Variants in MEP1A observed in about 807,000 individuals in gnomAD.
The protein encoded by MEP1A is N-benzoyl-L-tyrosyl-P-amino-benzoic acid hydrolase subunit alpha.
MEP1A carries 68 observed loss-of-function variants against 84.5 expected under a neutral mutation model. The ratio of observed to expected loss-of-function variants is 0.80; its 90% CI spans 0.66 to 0.98. The LOEUF (loss-of-function observed/expected upper bound fraction) is 0.98, where lower values mean the gene tolerates loss of function less well. Ranked by LOEUF, MEP1A falls within the 50% of genes least tolerant of loss-of-function variation. The pLI is 0.00. For synonymous variants in MEP1A, 337 were observed against 336.8 expected, an observed-to-expected ratio of 1.00 and a Z score of -0.01; for missense variants, 887 against 919.9, an observed-to-expected ratio of 0.96 and a Z score of 0.46.
Position 46,833,120 on chromosome 6 carries a change from G to A in MEP1A, c.1191G>A (p.Glu397=). ...NWKIAHVVLK[E]EQKFRYLFQG... is the part of the protein sequence containing the mutation. The stretch of plus-strand genomic sequence containing the variant: ...AAATTGCCCATGTGGTGCTCAAAGA[G>A]GAACAGAAGTTTCGCTACCTTTTCC... The change falls in exon 11 of 14, where the codon GAG becomes GAA. Residue 397 remains glutamate, a synonymous_variant. Transcript: ENST00000230588. The A allele has an allele frequency of 1.3e-6, 2 of 1,544,058 alleles. No homozygotes were observed. Among genetic ancestry groups the A allele is most frequent in the Admixed American group, 2.1e-5 (1 of 48,518 alleles).
At chr6:46,816,984 A>G (rs946987550) in intron 6 of MEP1A, among the ~76,000 whole-genome samples, 1 of 152,140 alleles carries the variant, frequency 6.6e-6, no homozygotes, top group Non-Finnish European at 1.5e-5. Context: ...TAGAAAGATG[A>G]CTTGATCAAC....
At chr6:46,839,781 T>C (rs1305692234), downstream of MEP1A, 1 of 152,198 alleles carries the variant, frequency 6.6e-6, no homozygotes, top group African/African-American at 2.4e-5. Context: ...AGTTAGCACC[T>C]TCTTTGTATC....
At position 46,833,491 on chromosome 6, in the gene MEP1A, T is replaced by G. The variant is rs758373937; in HGVS notation, c.1562T>G (p.Met521Arg). 2 of 1,614,118 alleles carry G rather than the reference T, an allele frequency of 1.2e-6. No homozygotes were observed. Among genetic ancestry groups the G allele is most frequent in the South Asian group, 2.2e-5 (2 of 91,088 alleles). Residue 521 changes from methionine (M) to arginine (R), a missense_variant, in exon 11 of 14, where the codon ATG becomes AGG. Coordinates refer to ENST00000230588, the MANE Select transcript of MEP1A (RefSeq NM_005588.3). The stretch of plus-strand genomic sequence containing the variant: ...CAGGAGCCTGATGTCCGGAACAGGA[T>G]GTCCTCAAGCATGGTGTTCACTACC... ...LDQEPDVRNR[M>R]SSSMVFTTSK...
At chr6:46,807,565 A>AAAGAAGGAAAGG (rs1562106650) in intron 5 of MEP1A, among the ~76,000 whole-genome samples, 2 of 71,818 alleles carry the variant, frequency 2.8e-5, no homozygotes, top group African/African-American at 1.4e-4. Flanking sequence ...AGAAAGAAAG[A>AAAGAAGGAAAGG]AAGGAAGGAA....
chr6:46,824,401 T>A (rs906479548), intron 7 of MEP1A, among the ~76,000 whole-genome samples: 5 of 147,408 alleles, frequency 3.4e-5, no homozygotes, highest in South Asian at 2.1e-4. Context: ...ATATTATATA[T>A]GTTATTGTAT....
chr6:46,831,650 A>G (rs1007169348), intron 10 of MEP1A, among the ~76,000 whole-genome samples: 1 of 152,294 alleles, frequency 6.6e-6, no homozygotes, highest in East Asian at 1.9e-4. Context: ...TCATTTTGAC[A>G]TCCTATATTA....
intron 6 of MEP1A, among the ~76,000 whole-genome samples, chr6:46,814,293 G>C (rs560905679): frequency 1.3e-5 from 2 of 151,988 alleles, no homozygotes; most frequent in African/African-American, 2.4e-5. Context: ...CAAAAGCCTT[G>C]CCTTTGAGCA....
chr6:46,801,624 A>C (rs888437420), intron 5 of MEP1A, among the ~76,000 whole-genome samples: 5 of 152,210 alleles, frequency 3.3e-5, no homozygotes, highest in Middle Eastern at 6.8e-3. Context: ...AAATGCTGAT[A>C]AAGTGTGATT....
intron 5 of MEP1A, among the ~76,000 whole-genome samples, chr6:46,805,434 T>C (rs1767290782): frequency 6.6e-6 from 1 of 151,972 alleles, no homozygotes; most frequent in Non-Finnish European, 1.5e-5. Flanking sequence ...AGTTACTCAT[T>C]GGTCATTTGT....
intron 5 of MEP1A, among the ~76,000 whole-genome samples, chr6:46,807,840 G>GAAAGAAAGAAAGAAAGAAAGGAAGA (rs1562107182): frequency 9.3e-6 from 1 of 107,782 alleles, no homozygotes; most frequent in Admixed American, 9.5e-5. Flanking sequence ...AGAAAGAAAG[G>GAAAGAAAGAAAGAAAGAAAGGAAGA]AAGAAAGGAA....
chr6:46,829,340 G>T lies in MEP1A; in HGVS notation c.929-16G>T. On this transcript the variant is annotated splice_polypyrimidine_tract_variant and intron_variant, in intron 9 of 13. Coordinates refer to ENST00000230588, the MANE Select transcript of MEP1A (RefSeq NM_005588.3). Reference sequence around the variant, plus strand: ...TGGGAAGCCAGACGTGTGATGTTTGGCTGCTCTTTCCATAGGTGCCGGCTA... The same window carrying T: ...TGGGAAGCCAGACGTGTGATGTTTGTCTGCTCTTTCCATAGGTGCCGGCTA... 3.7e-6 allele frequency: 6 copies of T among 1,610,650 alleles called. No homozygotes were observed. Among genetic ancestry groups the T allele is most frequent in the Non-Finnish European group, 4.2e-6 (5 of 1,178,408 alleles).
chr6:46,807,624 A>AAG (rs1767373894), intron 5 of MEP1A, among the ~76,000 whole-genome samples: 2 of 68,902 alleles, frequency 2.9e-5, no homozygotes, highest in Admixed American at 1.8e-4. Flanking sequence ...AAGGAAGGAA[A>AAG]GAAGGAAGGA....
chr6:46,797,788 CTTTCTCTT>C (rs1312549090), intron 3 of MEP1A, among the ~76,000 whole-genome samples: 8 of 135,486 alleles, frequency 5.9e-5, no homozygotes, highest in African/African-American at 2.5e-4. Context: ...TTCTTTCTTT[CTTTCTCTT>C]TCTTTCTTTC....
downstream of MEP1A, among the ~76,000 whole-genome samples, chr6:46,842,260 A>G (rs1375531255): frequency 6.6e-6 from 1 of 152,204 alleles, no homozygotes; most frequent in Admixed American, 6.5e-5. Flanking sequence ...ATTTTCAGGG[A>G]AAAAAGGAAG....
chr6:46,814,271 A>T (rs1198688311), intron 6 of MEP1A, among the ~76,000 whole-genome samples: 1 of 151,946 alleles, frequency 6.6e-6, no homozygotes, highest in Non-Finnish European at 1.5e-5. Flanking sequence ...TTTTTGATGG[A>T]TGGGGTTAAT....
chr6:46,823,473 G>C (rs775812336), intron 7 of MEP1A, among the ~76,000 whole-genome samples: 2 of 152,170 alleles, frequency 1.3e-5, no homozygotes, highest in African/African-American at 2.4e-5. Context: ...TTAGCCAGGC[G>C]TGGTGCCACG....
intron 6 of MEP1A, among the ~76,000 whole-genome samples, chr6:46,817,101 C>T (rs993552013): frequency 6.6e-6 from 1 of 152,052 alleles, no homozygotes; most frequent in Non-Finnish European, 1.5e-5. Context: ...AAGGAAGAGG[C>T]AGGTGATATA....
downstream of MEP1A, among the ~76,000 whole-genome samples, chr6:46,843,823 C>T (rs142568424): frequency 6.5e-3 from 996 of 152,310 alleles, 15 homozygotes; most frequent in African/African-American, 0.023. Context: ...ATTCTGAAGT[C>T]CACCTCTTGT....
intron 10 of MEP1A, among the ~76,000 whole-genome samples, chr6:46,830,044 T>C (rs1245746055): frequency 6.6e-6 from 1 of 151,810 alleles, no homozygotes; most frequent in Non-Finnish European, 1.5e-5. Flanking sequence ...GGTCAGGAGA[T>C]TGAGATCATC....
Sources: allele counts gnomAD v4.1 joint callset (sites outside exome capture counted in the v4.1 genomes callset), GRCh38; gene constraint gnomAD v4.1.1; transcripts MANE v1.5; gene names NCBI Gene and HGNC (gene_info 2026-07-23, HGNC 2026-07-21).